SLC12A5: variants seen among roughly 807,000 people sequenced by gnomAD.
SLC12A5 encodes solute carrier family 12 member 5.
SLC12A5 carries 18 observed loss-of-function variants against 124.0 expected under a neutral mutation model. The ratio of observed to expected loss-of-function variants is 0.15; its 90% CI spans 0.10 to 0.22. SLC12A5 has a LOEUF of 0.22. SLC12A5 is among the 10% of genes least tolerant of loss of function. The pLI is 1.00. For synonymous variants in SLC12A5, 589 were observed against 568.0 expected (o/e 1.04, Z -0.53); for missense variants, 867 against 1,478.7 (o/e 0.59, Z 6.78).
At chr20:46,022,895 C>T (rs2084366557) in intron 1 of SLC12A5, 1 of 375,460 alleles carries the variant, frequency 2.7e-6, no homozygotes. Context: ...CTGAGGCCCT[C>T]GGGTCTGGAA....
chr20:46,055,736 A>G, intron 21 of SLC12A5: 1 of 209,048 alleles, frequency 4.8e-6, no homozygotes, highest in East Asian at 1.2e-4. Context: ...ATTTATCAGA[A>G]TGTGGTTGAT....
In SLC12A5 at chr20:46,053,112, C is replaced by T. The variant is rs1202647791; in HGVS notation, c.2533C>T (p.Leu845=). 1 of 1,610,212 alleles carries T rather than the reference C, an allele frequency of 6.2e-7. No homozygotes were observed. Among genetic ancestry groups the T allele is most frequent in the Non-Finnish European group, 8.5e-7 (1 of 1,176,678 alleles). Residue 845 remains leucine, a synonymous_variant, in exon 19 of 26, where the codon CTG becomes TTG. Coordinates refer to ENST00000243964, the MANE Select transcript of SLC12A5 (RefSeq NM_020708.5). The surrounding 1 kb of genome is among the most constrained non-coding windows in gnomAD (Gnocchi z 4.7). ...GGMLMLLPFL[L]RHHKVWRKCK... is the part of the protein sequence containing the mutation. Reference sequence around the variant, plus strand: ...CATGCTCATGCTGCTGCCCTTCCTGCTGCGGCACCACAAGGTGAGTTGTGT... The same window carrying T: ...CATGCTCATGCTGCTGCCCTTCCTGTTGCGGCACCACAAGGTGAGTTGTGT...
rs373163764 is a variant in SLC12A5 at position 46,057,481 on chromosome 20, G to C, written c.3260-33G>C. On this transcript the variant is annotated intron_variant, in intron 25 of 25. Coordinates refer to ENST00000243964, the MANE Select transcript of SLC12A5 (RefSeq NM_020708.5). The surrounding 1 kb of genome is among the most constrained non-coding windows in gnomAD (Gnocchi z 7.1). ...GACCCCAATTTCGTCGGGAGGGAAG[G>C]AGACCGGGTCTTTCTCCTTGACCGG... The C allele has an allele frequency of 3.7e-6, 6 of 1,612,348 alleles. No homozygotes were observed. In the African/African-American group the frequency reaches 4.0e-5, roughly 11 times the overall value.
intron 1 of SLC12A5, among the ~76,000 whole-genome samples, chr20:46,034,467 G>A (rs1237509306): frequency 6.6e-6 from 1 of 152,178 alleles, no homozygotes; most frequent in East Asian, 1.9e-4. Flanking sequence ...GCCTGTATTG[G>A]CACACGGTAG....
chr20:46,021,979 A>G (rs2084359423), intron 1 of SLC12A5: 2 of 1,132,146 alleles, frequency 1.8e-6, no homozygotes, highest in Admixed American at 3.4e-5. Context: ...CAGGGCCAAG[A>G]CCGGGGGCGG....
chr20:46,041,114 C>A, intron 7 of SLC12A5: 1 of 501,726 alleles, frequency 2.0e-6, no homozygotes, highest in Non-Finnish European at 3.6e-6. Flanking sequence ...TGCACTAATG[C>A]GGTGCTTCTC....
upstream of SLC12A5, among the ~76,000 whole-genome samples, chr20:46,027,399 A>G (rs995446048): frequency 7.9e-5 from 12 of 152,196 alleles, no homozygotes; most frequent in African/African-American, 2.9e-4. Context: ...ATCTGAAGCC[A>G]CTGACAAATT....
intron 1 of SLC12A5, among the ~76,000 whole-genome samples, chr20:46,022,314 C>T (rs965069721): frequency 4.6e-5 from 7 of 150,826 alleles, no homozygotes; most frequent in Non-Finnish European, 1.0e-4. Flanking sequence ...TGGTCAGGAG[C>T]CCCTAAAGGG....
chr20:46,047,209 G>T (rs2084603418), intron 14 of SLC12A5, among the ~76,000 whole-genome samples: 1 of 152,230 alleles, frequency 6.6e-6, no homozygotes, highest in Non-Finnish European at 1.5e-5. Context: ...CAGGGACAGG[G>T]TGGTGTGGGG....
At chr20:46,030,724 T>A in intron 1 of SLC12A5, among the ~76,000 whole-genome samples, 1 of 152,094 alleles carries the variant, frequency 6.6e-6, no homozygotes, top group Non-Finnish European at 1.5e-5. Flanking sequence ...TCTGAGGTCC[T>A]CCGGATCCTG....
At chr20:46,034,856 T>G in intron 1 of SLC12A5, 92 bp from the exon 2 acceptor site, 1 of 1,163,628 alleles carries the variant, frequency 8.6e-7, no homozygotes, top group Non-Finnish European at 1.3e-6. Context: ...CGAACTGAGA[T>G]TCAGAGGGCT....
In SLC12A5 at chr20:46,056,187, G is replaced by A. The variant is rs760046175; in HGVS notation, c.2825G>A (p.Arg942Gln). 6.8e-6 allele frequency: 11 copies of A among 1,614,048 alleles called. No homozygotes were observed. The highest frequency in any genetic ancestry group is 2.2e-5 in the South Asian group (2 of 91,088). The change falls in exon 22 of 26, where the codon CGG becomes CAG. Residue 942 changes from arginine to glutamine, a missense_variant. Physicochemically the swap from Arg to Gln is conservative, Grantham distance 43 (BLOSUM62 1). This residue lies in a region of SLC12A5 where 180 missense variants were observed against 243.6 expected (regional missense o/e 0.74). Coordinates refer to ENST00000243964, the MANE Select transcript of SLC12A5 (RefSeq NM_020708.5). The surrounding 1 kb of genome is among the most constrained non-coding windows in gnomAD (Gnocchi z 4.3). ...SITDESRGSI[R>Q]RKNPANTRLR... is the part of the protein sequence containing the mutation. The stretch of plus-strand genomic sequence containing the variant: ...ACAGATGAGTCACGAGGCTCAATCC[G>A]GAGAAAGAATCCAGCCAACACGCGG...
Position 46,057,467 on chromosome 20 carries a change from C to G in SLC12A5, c.3260-47C>G. On this transcript the variant is annotated intron_variant, in intron 25 of 25. Coordinates refer to ENST00000243964, the MANE Select transcript of SLC12A5 (RefSeq NM_020708.5). This position sits in a 1 kb window ranked among gnomAD's most constrained non-coding sequence, Gnocchi z 7.1. ...TGGCAGCCGAGCGCGACCCCAATTT[C>G]GTCGGGAGGGAAGGAGACCGGGTCT... The G allele has an allele frequency of 3.7e-6, 6 of 1,609,058 alleles. No homozygotes were observed. Among genetic ancestry groups the G allele is most frequent in the Non-Finnish European group, 5.1e-6 (6 of 1,175,542 alleles).
chr20:46,046,463 C>T (rs758973800), intron 14 of SLC12A5, 27 bp downstream of exon 14: 4 of 1,599,046 alleles, frequency 2.5e-6, no homozygotes, highest in Non-Finnish European at 3.4e-6. Context: ...CACACTTCCA[C>T]TGAGCCACTT....
chr20:46,029,046 C>A, upstream of SLC12A5: 2 of 1,064,122 alleles, frequency 1.9e-6, no homozygotes, highest in Non-Finnish European at 2.4e-6. Flanking sequence ...GGGCTCTGCC[C>A]GCCCCTCATC....
At position 46,057,962 on chromosome 20, in the gene SLC12A5, T is replaced by G; in HGVS notation, c.*357T>G. 2 of 197,028 alleles carry G rather than the reference T, an allele frequency of 1.0e-5. No homozygotes were observed. The highest frequency in any genetic ancestry group is 1.0e-5 in the Non-Finnish European group (1 of 98,138). The allele number at this position is 197,028 out of a possible 1,614,324, so 12.2% of individuals were successfully genotyped here. On this transcript the variant is annotated 3_prime_UTR_variant, in exon 26 of 26. Coordinates refer to ENST00000243964, the MANE Select transcript of SLC12A5 (RefSeq NM_020708.5). The surrounding 1 kb of genome is among the most constrained non-coding windows in gnomAD (Gnocchi z 7.1). Reference sequence around the variant, plus strand: ...CCAGGTAGTCCATGCGGCCCATTCCTCCCCTTCCCACTCCCGCCGCGGTCC... The same window carrying G: ...CCAGGTAGTCCATGCGGCCCATTCCGCCCCTTCCCACTCCCGCCGCGGTCC...
Position 46,053,505 on chromosome 20 carries a change from G to A in SLC12A5, c.2548-73G>A, listed in dbSNP as rs187390938. The A allele has an allele frequency of 4.4e-4, 701 of 1,583,446 alleles. 1 individual carries two copies. The highest frequency in any genetic ancestry group is 5.0e-4 in the Non-Finnish European group (580 of 1,162,494). On this transcript the variant is annotated intron_variant, in intron 19 of 25. Coordinates refer to ENST00000243964, the MANE Select transcript of SLC12A5 (RefSeq NM_020708.5). The surrounding 1 kb of genome is among the most constrained non-coding windows in gnomAD (Gnocchi z 4.7). The stretch of plus-strand genomic sequence containing the variant: ...GGGTGGGAAGAGGGGAAGGGTGAGC[G>A]GACAGGGCCTGGCCCTGGATCTCCT...
At chr20:46,022,174 T>A in intron 1 of SLC12A5, 1 of 264,226 alleles carries the variant, frequency 3.8e-6, no homozygotes, top group South Asian at 6.8e-5. Flanking sequence ...GGTCTGGTGA[T>A]GGAAAGGCCG....
intron 14 of SLC12A5, among the ~76,000 whole-genome samples, chr20:46,046,740 A>T (rs2084599343): frequency 6.6e-6 from 1 of 152,160 alleles, no homozygotes; most frequent in Non-Finnish European, 1.5e-5. Flanking sequence ...AGTTCAAATC[A>T]TGACTCTGCA....
Sources: allele counts gnomAD v4.1 joint callset (sites outside exome capture counted in the v4.1 genomes callset), GRCh38; gene constraint gnomAD v4.1.1; regional missense constraint gnomAD v4.1.1; non-coding constraint Gnocchi (gnomAD v3.1); transcripts MANE v1.5; gene names NCBI Gene and HGNC (gene_info 2026-07-23, HGNC 2026-07-21).